The following MOB1B variants were observed in gnomAD, a reference collection of about 807,000 sequenced individuals.
The protein encoded by MOB1B is MOB kinase activator 1B, also known as MOB1 Mps One Binder homolog B.
A neutral mutation model predicts 24.4 loss-of-function variants in MOB1B; 19 were observed. The observed-to-expected ratio is 0.78, with a 90% CI of 0.54 to 1.14. MOB1B has a LOEUF of 1.14. Among genes scored for constraint, MOB1B ranks in the 50% most tolerant of loss-of-function variants. The probability of loss-of-function intolerance (pLI) is 0.00; values close to 1 mark genes in which losing one functional copy is unlikely to be tolerated. For synonymous variants in MOB1B, 76 were observed against 82.1 expected, an observed-to-expected ratio of 0.93 and a Z score of 0.40; for missense variants, 243 against 259.6, an observed-to-expected ratio of 0.94 and a Z score of 0.44.
chr4:70,979,088 A>AT (rs1429311116), intron 4 of MOB1B, 40 bp from the exon 5 acceptor site: 2 of 1,539,458 alleles, frequency 1.3e-6, no homozygotes, highest in South Asian at 2.3e-5. Context: ...TCTTGTTGTC[A>AT]TCTCTTGTTA....
At chr4:70,945,764 A>G (rs551300717) in intron 1 of MOB1B, among the ~76,000 whole-genome samples, 2 of 152,330 alleles carry the variant, frequency 1.3e-5, no homozygotes, top group African/African-American at 4.8e-5. Context: ...TCCTGTCTGA[A>G]CACAGAGAAG....
rs779880416 is a variant in MOB1B at position 70,981,992 on chromosome 4, A to G, written c.586A>G (p.Ile196Val). 10 of 1,608,560 alleles carry G rather than the reference A, an allele frequency of 6.2e-6. No homozygotes were observed. Among genetic ancestry groups the G allele is most frequent in the Non-Finnish European group, 8.5e-6 (10 of 1,175,448 alleles). Residue 196 changes from isoleucine to valine, a missense_variant, in exon 6 of 6, where the codon ATT becomes GTT. By Grantham distance (29) the Ile-to-Val change is conservative. Transcript: ENST00000309395. ...FIFFVQEFNL[I>V]DRRELAPLQE... ...ATATCATGCATAGGAATTCAACCTT[A>G]TTGATAGAAGAGAACTTGCACCACT...
At chr4:70,938,113 T>A (rs1737159184) in intron 1 of MOB1B, among the ~76,000 whole-genome samples, 1 of 152,048 alleles carries the variant, frequency 6.6e-6, no homozygotes, top group Admixed American at 6.6e-5. Context: ...TTCCTTCCAG[T>A]GTCTGGTAAC....
rs576921696 is a variant in MOB1B at position 70,949,133 on chromosome 4, A to G, written c.15-9741A>G. Among the ~76,000 whole-genome samples the G allele has an allele frequency of 4.6e-5, 7 of 152,330 alleles. No individual in the cohort carries two copies. The South Asian group carries it at 1.5e-3, about 32-fold the overall frequency. On this transcript the variant is annotated intron_variant, in intron 1 of 5. Transcript: ENST00000309395. The stretch of plus-strand genomic sequence containing the variant: ...CTAGGTTTTCTCAGACTTCTCAGTC[A>G]CTATGTCTCATTAACTTTTTAATCT...
In MOB1B at chr4:70,920,477, G is replaced by A. The variant is rs577151178; in HGVS notation, c.14+17927G>A. Among the ~76,000 whole-genome samples the A allele has an allele frequency of 3.9e-5, 6 of 152,280 alleles. No homozygotes were observed. The East Asian group carries it at 7.7e-4, about 20-fold the overall frequency. On this transcript the variant is annotated intron_variant, in intron 1 of 5. Coordinates refer to ENST00000309395, the MANE Select transcript of MOB1B (RefSeq NM_173468.4). ...TGACCTCAGGTGATCTGCCTGCCTC[G>A]GCCTCCTAAAGTGCTAGGATTACAG...
intron 1 of MOB1B, among the ~76,000 whole-genome samples, chr4:70,957,100 GTT>G (rs572932916): frequency 4.1e-5 from 5 of 123,088 alleles, no homozygotes; most frequent in Non-Finnish European, 7.1e-5. Flanking sequence ...TTGTTTATGT[GTT>G]TTTTTTTTTT....
chr4:70,927,369 G>A (rs183384413), intron 1 of MOB1B, among the ~76,000 whole-genome samples: 25 of 151,950 alleles, frequency 1.6e-4, no homozygotes, highest in African/African-American at 4.6e-4. Context: ...TGAAACCCCC[G>A]TCTCTACTAA....
chr4:70,967,757 C>T (rs1738592136), intron 2 of MOB1B, among the ~76,000 whole-genome samples: 1 of 152,050 alleles, frequency 6.6e-6, no homozygotes, highest in Non-Finnish European at 1.5e-5. Flanking sequence ...AAATATCAAC[C>T]TAGGAACAAA....
At chr4:70,962,451 A>AT (rs1413952175) in intron 2 of MOB1B, among the ~76,000 whole-genome samples, 1 of 152,214 alleles carries the variant, frequency 6.6e-6, no homozygotes, top group Non-Finnish European at 1.5e-5. Flanking sequence ...AGAAAGTATT[A>AT]TTTTTTCAAC....
At chr4:70,943,347 A>C (rs748389112) in intron 1 of MOB1B, among the ~76,000 whole-genome samples, 6 of 152,202 alleles carry the variant, frequency 3.9e-5, no homozygotes, top group Non-Finnish European at 5.9e-5. Flanking sequence ...TATAACTGTG[A>C]TGATCTTTGA....
chr4:70,969,677 T>C (rs1248544509), intron 2 of MOB1B, among the ~76,000 whole-genome samples: 1 of 152,228 alleles, frequency 6.6e-6, no homozygotes, highest in East Asian at 1.9e-4. Flanking sequence ...TTATCTATTC[T>C]AGATATAAGA....
chr4:70,950,945 G>C (rs756136633), intron 1 of MOB1B: 1 of 615,938 alleles, frequency 1.6e-6, no homozygotes, highest in African/African-American at 1.8e-5. Flanking sequence ...TAACTTCTTC[G>C]AGACCCTGGT....
chr4:70,966,436 A>T (rs1280183531), intron 2 of MOB1B, among the ~76,000 whole-genome samples: 4 of 149,622 alleles, frequency 2.7e-5, no homozygotes, highest in Admixed American at 6.7e-5. Flanking sequence ...GTGCAATGGC[A>T]TGATCTCAGC....
intron 3 of MOB1B, among the ~76,000 whole-genome samples, chr4:70,973,439 C>T (rs1379421182): frequency 1.6e-5 from 2 of 121,908 alleles, no homozygotes; most frequent in Non-Finnish European, 3.2e-5. Flanking sequence ...CACTGTACTT[C>T]AGCCAAAGCT....
chr4:70,968,430 G>T (rs1246532110), intron 2 of MOB1B, among the ~76,000 whole-genome samples: 1 of 152,094 alleles, frequency 6.6e-6, no homozygotes, highest in Non-Finnish European at 1.5e-5. Context: ...TCCTGCCCCA[G>T]CCTCCTGAGT....
intron 1 of MOB1B, among the ~76,000 whole-genome samples, chr4:70,957,816 G>A (rs374567078): frequency 6.8e-6 from 1 of 146,346 alleles, no homozygotes; most frequent in East Asian, 2.0e-4. Context: ...GGAGTGCTGT[G>A]TCTATTCACA....
chr4:70,957,449 T>A (rs995987919), intron 1 of MOB1B, among the ~76,000 whole-genome samples: 1 of 150,982 alleles, frequency 6.6e-6, no homozygotes, highest in Non-Finnish European at 1.5e-5. Context: ...TTTTTTTTTT[T>A]AAAGAGGCAG....
At chr4:70,927,612 G>T (rs1048235429) in intron 1 of MOB1B, among the ~76,000 whole-genome samples, 6 of 152,126 alleles carry the variant, frequency 3.9e-5, no homozygotes, top group African/African-American at 1.4e-4. Flanking sequence ...AAAACAGCAA[G>T]AATTTTGCCG....
intron 1 of MOB1B, among the ~76,000 whole-genome samples, chr4:70,952,681 A>C (rs144675703): frequency 1.7e-3 from 254 of 151,266 alleles, no homozygotes; most frequent in African/African-American, 5.6e-3. Context: ...CAAAAAAAAA[A>C]CTTTCTAATG....
Sources: allele counts gnomAD v4.1 joint callset (sites outside exome capture counted in the v4.1 genomes callset), GRCh38; gene constraint gnomAD v4.1.1; transcripts MANE v1.5; gene names NCBI Gene and HGNC (gene_info 2026-07-23, HGNC 2026-07-21).